The following FHIT variants were observed in gnomAD, a reference collection of about 807,000 sequenced individuals.
FHIT encodes fragile histidine triad diadenosine triphosphatase.
In FHIT, 19 loss-of-function variants were observed where a neutral mutation model predicts 17.9. The observed-to-expected ratio is 1.06, with a 90% CI of 0.74 to 1.56. The LOEUF is 1.56. FHIT is among the 40% of genes most tolerant of loss of function. FHIT has a pLI of 0.00. For synonymous variants in FHIT, 81 were observed against 69.7 expected (o/e 1.16, Z -0.81); for missense variants, 248 against 189.2 (o/e 1.31, Z -1.82).
chr3:61,125,636 G>A (rs2106937510), intron 2 of FHIT, among the ~76,000 whole-genome samples: 1 of 152,240 alleles, frequency 6.6e-6, no homozygotes, highest in Admixed American at 6.5e-5. Flanking sequence ...AAATCATCTG[G>A]CAAACAACTG....
chr3:60,573,139 C>T (rs1426780539), intron 4 of FHIT, among the ~76,000 whole-genome samples: 1 of 152,094 alleles, frequency 6.6e-6, no homozygotes, highest in East Asian at 1.9e-4. Context: ...AGCCTGGGGT[C>T]AGGAAGGTTA....
chr3:60,481,170 C>A (rs1355935383), intron 5 of FHIT, among the ~76,000 whole-genome samples: 2 of 152,074 alleles, frequency 1.3e-5, no homozygotes, highest in Admixed American at 6.5e-5. Context: ...AAATATGGGA[C>A]TTCATAAAAA....
chr3:60,464,073 T>G (rs755366435), intron 5 of FHIT, among the ~76,000 whole-genome samples: 22 of 152,124 alleles, frequency 1.4e-4, no homozygotes, highest in Admixed American at 2.6e-4. Flanking sequence ...TGAAATCCTG[T>G]GAAAAAACAG....
intron 7 of FHIT, among the ~76,000 whole-genome samples, chr3:59,970,663 C>T (rs1708133517): frequency 6.6e-6 from 1 of 152,034 alleles, no homozygotes; most frequent in East Asian, 1.9e-4. Context: ...ACATTTCAAA[C>T]GAGCAGCATA....
chr3:60,349,287 G>A (rs1258710348), intron 5 of FHIT, among the ~76,000 whole-genome samples: 1 of 152,114 alleles, frequency 6.6e-6, no homozygotes, highest in Non-Finnish European at 1.5e-5. Context: ...GCCACCAAGT[G>A]TCAACCTCTG....
At chr3:60,859,310 C>T (rs893006101) in intron 3 of FHIT, among the ~76,000 whole-genome samples, 3 of 152,086 alleles carry the variant, frequency 2.0e-5, no homozygotes, top group African/African-American at 7.2e-5. Flanking sequence ...AATTACTATG[C>T]GTGCACAGAA....
intron 5 of FHIT, among the ~76,000 whole-genome samples, chr3:60,492,766 A>G (rs906804075): frequency 3.3e-5 from 5 of 152,042 alleles, no homozygotes; most frequent in African/African-American, 9.7e-5. Flanking sequence ...CTCTCTCCCA[A>G]TGACAGCAAT....
intron 5 of FHIT, among the ~76,000 whole-genome samples, chr3:60,039,312 G>A (rs17257241): frequency 0.15 from 23,251 of 152,178 alleles, 1,929 homozygotes; most frequent in Middle Eastern, 0.2. Context: ...CATCTGAGCA[G>A]CTCCACTTTT....
intron 4 of FHIT, among the ~76,000 whole-genome samples, chr3:60,546,406 T>C (rs531846665): frequency 4.1e-4 from 62 of 152,222 alleles, no homozygotes; most frequent in African/African-American, 1.5e-3. Flanking sequence ...ATCCTTAGTA[T>C]ATTCCTACCT....
intron 5 of FHIT, among the ~76,000 whole-genome samples, chr3:60,021,347 G>A (rs151148038): frequency 3.2e-4 from 48 of 152,284 alleles, no homozygotes; most frequent in Non-Finnish European, 6.3e-4. Flanking sequence ...CACTTTCATC[G>A]AGAGAAGCAA....
chr3:60,436,644 T>G (rs2030276490), intron 5 of FHIT, among the ~76,000 whole-genome samples: 1 of 152,148 alleles, frequency 6.6e-6, no homozygotes, highest in African/African-American at 2.4e-5. Flanking sequence ...AAAATCATTT[T>G]TTATTAAATC....
At chr3:60,631,202 C>T (rs886176425) in intron 4 of FHIT, among the ~76,000 whole-genome samples, 8 of 152,172 alleles carry the variant, frequency 5.3e-5, no homozygotes, top group African/African-American at 1.9e-4. Context: ...GATTAGGTTT[C>T]AGAGCTTTAA....
chr3:60,948,022 G>A (rs1123707), intron 3 of FHIT, among the ~76,000 whole-genome samples: 1,867 of 152,196 alleles, frequency 0.012, 34 homozygotes, highest in African/African-American at 0.042. Context: ...ATATAATTAA[G>A]ATAAAGCCTC....
chr3:59,779,659 T>C (rs1161328517), intron 8 of FHIT, among the ~76,000 whole-genome samples: 1 of 152,084 alleles, frequency 6.6e-6, no homozygotes, highest in Non-Finnish European at 1.5e-5. Context: ...TAAAAGGCCT[T>C]GATACACTGA....
At chr3:59,756,676 T>A (rs1701236973) in intron 8 of FHIT, among the ~76,000 whole-genome samples, 1 of 152,194 alleles carries the variant, frequency 6.6e-6, no homozygotes, top group South Asian at 2.1e-4. Flanking sequence ...GAACTTGGCT[T>A]GCATTTGGTA....
intron 3 of FHIT, among the ~76,000 whole-genome samples, chr3:60,894,669 A>T (rs144685093): frequency 0.025 from 2,795 of 113,330 alleles, 74 homozygotes; most frequent in African/African-American, 0.086. Context: ...TTAGTATTCA[A>T]AACAAAACAA....
chr3:59,933,652 C>T (rs1221923946), intron 7 of FHIT, among the ~76,000 whole-genome samples: 1 of 152,072 alleles, frequency 6.6e-6, no homozygotes, highest in African/African-American at 2.4e-5. Flanking sequence ...ACCATATGCC[C>T]CAGTCTGTTT....
Position 60,459,155 on chromosome 3 carries a change from C to A in FHIT, c.103+77705G>T, listed in dbSNP as rs530368977. Among the ~76,000 whole-genome samples, 12 of 152,232 alleles carry A rather than the reference C, an allele frequency of 7.9e-5. No homozygotes were observed. In the South Asian group the frequency reaches 8.3e-4, roughly 11 times the overall value. ...ATGTCATACTCAATTCTAGCTTCAT[C>A]AAAATCACTTGGAGCTTTTACATTA... On this transcript the variant is annotated intron_variant, in intron 5 of 9. Coordinates refer to ENST00000492590, the MANE Select transcript of FHIT (RefSeq NM_002012.4).
At chr3:60,982,166 C>T (rs923339695) in intron 3 of FHIT, among the ~76,000 whole-genome samples, 3 of 152,212 alleles carry the variant, frequency 2.0e-5, no homozygotes, top group African/African-American at 4.8e-5. Flanking sequence ...CAGTGCTTTC[C>T]CTGCTACACT....
Sources: gnomAD v4.1 joint callset for allele counts (sites outside exome capture counted in the v4.1 genomes callset) on GRCh38, gnomAD v4.1.1 for gene constraint, MANE v1.5 for transcripts, NCBI Gene and HGNC (gene_info 2026-07-23, HGNC 2026-07-21) for gene names.